The following DGCR2 variants were observed in gnomAD, a reference collection of about 807,000 sequenced individuals.
DGCR2 encodes integral membrane protein DGCR2/IDD.
Under a neutral mutation model 51.6 loss-of-function variants are expected in DGCR2, and 24 were observed. That is an observed-to-expected ratio of 0.47 (90% confidence interval 0.34 to 0.65). The LOEUF (loss-of-function observed/expected upper bound fraction) is 0.65, where lower values mean the gene tolerates loss of function less well. DGCR2 is among the 30% of genes least tolerant of loss of function. The pLI is 0.01. For synonymous variants in DGCR2, 340 were observed against 315.4 expected, an observed-to-expected ratio of 1.08 and a Z score of -0.82; for missense variants, 765 against 772.1, an observed-to-expected ratio of 0.99 and a Z score of 0.11.
intron 1 of DGCR2, among the ~76,000 whole-genome samples, chr22:19,101,670 G>T (rs1383927984): frequency 6.8e-6 from 1 of 146,338 alleles, no homozygotes; most frequent in Non-Finnish European, 1.5e-5. Context: ...GAACCAGGGA[G>T]ATGGAGGTTG....
At chr22:19,097,700 GA>G (rs2083157642) in intron 1 of DGCR2, among the ~76,000 whole-genome samples, 1 of 152,188 alleles carries the variant, frequency 6.6e-6, no homozygotes, top group African/African-American at 2.4e-5. Flanking sequence ...GCATGTCTGG[GA>G]AAGGCTCCAA....
At chr22:19,087,331 G>A (rs73386990) in intron 2 of DGCR2, among the ~76,000 whole-genome samples, 4 of 152,270 alleles carry the variant, frequency 2.6e-5, no homozygotes, top group African/African-American at 7.2e-5. Context: ...CCAGAGACAC[G>A]CATAATCTGA....
chr22:19,108,189 A>G (rs1444835490), intron 1 of DGCR2, among the ~76,000 whole-genome samples: 1 of 152,160 alleles, frequency 6.6e-6, no homozygotes, highest in African/African-American at 2.4e-5. Flanking sequence ...TTATTAGACA[A>G]AAACAGAAAG....
chr22:19,040,072 G>A (rs1021420890), intron 9 of DGCR2, among the ~76,000 whole-genome samples: 1 of 152,128 alleles, frequency 6.6e-6, no homozygotes, highest in Non-Finnish European at 1.5e-5. Flanking sequence ...CCCCGGTGAT[G>A]CACCTCCCTC....
intron 9 of DGCR2, among the ~76,000 whole-genome samples, chr22:19,040,183 C>T (rs1006783194): frequency 6.6e-6 from 1 of 152,204 alleles, no homozygotes; most frequent in African/African-American, 2.4e-5. Flanking sequence ...GGAAGCTGGT[C>T]CTACCCTGGA....
intron 3 of DGCR2, among the ~76,000 whole-genome samples, chr22:19,066,630 A>C (rs1274195431): frequency 6.6e-6 from 1 of 152,176 alleles, no homozygotes; most frequent in Non-Finnish European, 1.5e-5. Context: ...ATCTCAGGCA[A>C]GGTGAGAGGA....
chr22:19,059,155 G>C (rs1016716365), intron 5 of DGCR2, among the ~76,000 whole-genome samples: 3 of 152,216 alleles, frequency 2.0e-5, no homozygotes, highest in Non-Finnish European at 4.4e-5. Context: ...TGCTGGCCTT[G>C]ATGGAACTGT....
At chr22:19,109,820 A>G (rs1357855083) in intron 1 of DGCR2, among the ~76,000 whole-genome samples, 1 of 152,226 alleles carries the variant, frequency 6.6e-6, no homozygotes, top group East Asian at 1.9e-4. Flanking sequence ...GAGCCGCCTA[A>G]CCCTGAAAAG....
chr22:19,089,833 G>T (rs890954537), intron 1 of DGCR2, among the ~76,000 whole-genome samples: 1 of 152,298 alleles, frequency 6.6e-6, no homozygotes, highest in East Asian at 1.9e-4. Flanking sequence ...TGCCTGCCTC[G>T]GCCTCCCGAA....
intron 1 of DGCR2, among the ~76,000 whole-genome samples, chr22:19,098,725 C>T (rs1309889332): frequency 6.6e-6 from 1 of 152,152 alleles, no homozygotes; most frequent in Non-Finnish European, 1.5e-5. Flanking sequence ...GTAGCTGGGA[C>T]TACAGGCACA....
At chr22:19,089,733 A>G (rs759975015) in intron 1 of DGCR2, among the ~76,000 whole-genome samples, 3 of 152,230 alleles carry the variant, frequency 2.0e-5, no homozygotes, top group Non-Finnish European at 2.9e-5. Context: ...AGCATGTGTC[A>G]TCATGCCTAG....
At chr22:19,077,051 T>C (rs907980989) in intron 2 of DGCR2, among the ~76,000 whole-genome samples, 1 of 152,200 alleles carries the variant, frequency 6.6e-6, no homozygotes, top group African/African-American at 2.4e-5. Context: ...CCAGGATATT[T>C]ATTATTATTG....
At chr22:19,119,506 C>CAGGT (rs999083218) in intron 1 of DGCR2, among the ~76,000 whole-genome samples, 3 of 152,242 alleles carry the variant, frequency 2.0e-5, no homozygotes, top group Admixed American at 2.0e-4. Flanking sequence ...GAGGCCAAGG[C>CAGGT]AGGTGGCTCA....
intron 1 of DGCR2, among the ~76,000 whole-genome samples, chr22:19,092,960 A>T (rs931234804): frequency 1.4e-5 from 2 of 147,064 alleles, no homozygotes; most frequent in African/African-American, 5.2e-5. Context: ...AAATGAAGTT[A>T]AAAAAAGGAG....
chr22:19,060,368 G>T (rs1056271485), intron 5 of DGCR2, among the ~76,000 whole-genome samples: 4 of 152,190 alleles, frequency 2.6e-5, no homozygotes, highest in Non-Finnish European at 5.9e-5. Flanking sequence ...GATTTTGGGG[G>T]AGAAAAGAAG....
intron 2 of DGCR2, among the ~76,000 whole-genome samples, chr22:19,089,059 A>AC (rs1448775630): frequency 5.9e-5 from 9 of 152,000 alleles, no homozygotes; most frequent in Non-Finnish European, 1.3e-4. Flanking sequence ...CCAAGGTGCC[A>AC]CCCCTCAGGA....
At chr22:19,091,057 G>A (rs1160761438) in intron 1 of DGCR2, among the ~76,000 whole-genome samples, 3 of 132,214 alleles carry the variant, frequency 2.3e-5, no homozygotes, top group Non-Finnish European at 1.6e-5. Context: ...ACTAATCAAA[G>A]GATAGCTGGA....
chr22:19,076,724 AT>A (rs1165827499), intron 2 of DGCR2, among the ~76,000 whole-genome samples: 5,526 of 79,648 alleles, frequency 0.069, 49 homozygotes, highest in Admixed American at 0.11. Flanking sequence ...TCCTTTGCAC[AT>A]TTTTTTTTTT....
chr22:19,036,313 T>G lies in DGCR2; in HGVS notation c.*2552A>C, dbSNP rs1398888359. On this transcript the variant is annotated 3_prime_UTR_variant, in exon 10 of 10. Transcript: ENST00000263196. Reference sequence around the variant, plus strand: ...CCGGAACACAAGTTTATTTGGCATTTGGATGAAATGATTCTCACAGCATCT... The same window carrying G: ...CCGGAACACAAGTTTATTTGGCATTGGGATGAAATGATTCTCACAGCATCT... 1.3e-5 allele frequency: 2 copies of G among 152,552 alleles called. No homozygotes were observed. Among genetic ancestry groups the G allele is most frequent in the Non-Finnish European group, 2.9e-5 (2 of 68,044 alleles). 9.4% of individuals were successfully genotyped at this position (152,552 alleles called of 1,614,324 possible). A position where few individuals can be genotyped will look rare whatever the true frequency, so the allele number is the denominator to read the frequency against.
Sources: gnomAD v4.1 joint callset for allele counts (sites outside exome capture counted in the v4.1 genomes callset) on GRCh38, gnomAD v4.1.1 for gene constraint, MANE v1.5 for transcripts, NCBI Gene and HGNC (gene_info 2026-07-23, HGNC 2026-07-21) for gene names.